FANK1: variants seen among roughly 807,000 people sequenced by gnomAD.
FANK1 encodes the protein fibronectin type 3 and ankyrin repeat domains protein 1.
In FANK1, 44 loss-of-function variants were observed where a neutral mutation model predicts 45.3. The ratio of observed to expected loss-of-function variants is 0.97; its 90% CI spans 0.76 to 1.25. The LOEUF (loss-of-function observed/expected upper bound fraction) is 1.25. Ranked by LOEUF, FANK1 falls within the 50% of genes most tolerant of loss-of-function variation. The pLI is 0.00. For synonymous variants in FANK1, 149 were observed against 152.5 expected, an observed-to-expected ratio of 0.98 and a Z score of 0.17; for missense variants, 391 against 424.4, an observed-to-expected ratio of 0.92 and a Z score of 0.69.
At chr10:125,977,480 G>A (rs1179536010) in intron 1 of FANK1, among the ~76,000 whole-genome samples, 1 of 152,156 alleles carries the variant, frequency 6.6e-6, no homozygotes, top group Non-Finnish European at 1.5e-5. Flanking sequence ...TTTCCGTCAT[G>A]CTCCCTTTCA....
At chr10:126,005,075 G>A (rs370711625) in intron 7 of FANK1, 26 bp downstream of exon 7, 16 of 1,589,362 alleles carry the variant, frequency 1.0e-5, no homozygotes, top group South Asian at 5.6e-5. Context: ...TGTTAACCAC[G>A]CACATATCGT....
intron 1 of FANK1, among the ~76,000 whole-genome samples, chr10:125,978,828 G>A (rs1200646840): frequency 6.6e-6 from 1 of 152,160 alleles, no homozygotes; most frequent in African/African-American, 2.4e-5. Flanking sequence ...GTGGAAGTGG[G>A]GGCTGTTGCT....
chr10:125,996,352 A>T (rs973316635), intron 4 of FANK1, among the ~76,000 whole-genome samples, 198 bp from the exon 5 acceptor site: 3 of 152,214 alleles, frequency 2.0e-5, no homozygotes, highest in Non-Finnish European at 2.9e-5. Context: ...GATACATTTG[A>T]ATCTCATAGA....
intron 1 of FANK1, among the ~76,000 whole-genome samples, chr10:125,915,232 CTT>C (rs1946356995): frequency 6.6e-6 from 1 of 151,430 alleles, no homozygotes; most frequent in Non-Finnish European, 1.5e-5. Context: ...TAAAGGGTAA[CTT>C]TTCAAAAACA....
At chr10:125,976,923 A>T (rs956106908) in intron 1 of FANK1, among the ~76,000 whole-genome samples, 2 of 152,142 alleles carry the variant, frequency 1.3e-5, no homozygotes, top group Non-Finnish European at 2.9e-5. Context: ...GTGCCCGGTC[A>T]TAAAATTATC....
At chr10:125,938,893 G>A (rs1167097872) in intron 1 of FANK1, among the ~76,000 whole-genome samples, 2 of 152,090 alleles carry the variant, frequency 1.3e-5, no homozygotes, top group Admixed American at 1.3e-4. Context: ...AGCCAAATTT[G>A]GAAGCATTTG....
At chr10:125,958,075 T>A (rs1314312303) in intron 1 of FANK1, among the ~76,000 whole-genome samples, 1 of 152,162 alleles carries the variant, frequency 6.6e-6, no homozygotes, top group African/African-American at 2.4e-5. Flanking sequence ...ATTCTCTTTC[T>A]AGCTATTTGA....
At chr10:125,903,881 C>T (rs1945262415) in intron 1 of FANK1, among the ~76,000 whole-genome samples, 1 of 152,026 alleles carries the variant, frequency 6.6e-6, no homozygotes, top group African/African-American at 2.4e-5. Context: ...CAGAGTTTCA[C>T]TCTTGTCGCC....
At position 125,983,296 on chromosome 10, in the gene FANK1, G is replaced by A. The variant is rs2138276; in HGVS notation, c.191+2958G>A. On this transcript the variant is annotated intron_variant, in intron 2 of 10. Coordinates refer to ENST00000368693, the MANE Select transcript of FANK1 (RefSeq NM_145235.5). This position sits in a 1 kb window ranked among gnomAD's most constrained non-coding sequence, Gnocchi z 4.3. Reference sequence around the variant, plus strand: ...GTCTGTGCCCTAAATTCCTGTGATCGTTGCTGCCCATGCCACGCATTCCAT... The same window carrying A: ...GTCTGTGCCCTAAATTCCTGTGATCATTGCTGCCCATGCCACGCATTCCAT... Among the ~76,000 whole-genome samples the A allele has an allele frequency of 0.39, 59,554 of 151,770 alleles. 11,857 individuals are homozygous for A. The highest frequency in any genetic ancestry group is 0.45 in the South Asian group (2,177 of 4,806).
intron 1 of FANK1, among the ~76,000 whole-genome samples, chr10:125,979,164 C>T (rs1312345167): frequency 6.6e-6 from 1 of 151,850 alleles, no homozygotes; most frequent in Non-Finnish European, 1.5e-5. Flanking sequence ...TGCTGACCCC[C>T]GGGGGGCCAT....
intron 4 of FANK1, 86 bp from the exon 5 acceptor site, chr10:125,996,464 C>CCA: frequency 8.5e-7 from 1 of 1,179,630 alleles, no homozygotes; most frequent in East Asian, 2.4e-5. Flanking sequence ...GTCATTTTAC[C>CCA]CACCTAAGCC....
intron 1 of FANK1, among the ~76,000 whole-genome samples, chr10:125,937,854 A>G (rs906042453): frequency 3.3e-5 from 5 of 152,214 alleles, no homozygotes; most frequent in African/African-American, 1.2e-4. Flanking sequence ...AACGGGGCTT[A>G]AAGCTGCCTA....
At chr10:125,977,316 A>C (rs1476444179) in intron 1 of FANK1, among the ~76,000 whole-genome samples, 1 of 152,078 alleles carries the variant, frequency 6.6e-6, no homozygotes, top group Non-Finnish European at 1.5e-5. Context: ...CTTTATTTGA[A>C]GCTTACTTGT....
intron 1 of FANK1, among the ~76,000 whole-genome samples, chr10:125,956,548 T>G (rs1359641347): frequency 6.6e-6 from 1 of 152,220 alleles, no homozygotes; most frequent in East Asian, 1.9e-4. Flanking sequence ...TTCTTTGGTT[T>G]TACAGAAAAT....
At chr10:125,946,737 A>G (rs1948829949) in intron 1 of FANK1, among the ~76,000 whole-genome samples, 1 of 138,378 alleles carries the variant, frequency 7.2e-6, no homozygotes, top group Non-Finnish European at 1.6e-5. Flanking sequence ...GCCAACGTTC[A>G]GATTCAGGAA....
intron 1 of FANK1, among the ~76,000 whole-genome samples, chr10:125,911,816 C>G (rs74539692): frequency 2.0e-5 from 3 of 151,890 alleles, no homozygotes; most frequent in Non-Finnish European, 4.4e-5. Flanking sequence ...TTCAGAGTTA[C>G]GCCTGGGTCC....
intron 2 of FANK1, among the ~76,000 whole-genome samples, chr10:125,982,945 G>T (rs115365312): frequency 0.015 from 2,158 of 146,346 alleles, 70 homozygotes; most frequent in African/African-American, 0.052. Flanking sequence ...ATTCTATCTT[G>T]CTGGGCTAAT....
chr10:125,995,382 G>T, intron 3 of FANK1, 35 bp from the exon 4 acceptor site: 1 of 1,599,450 alleles, frequency 6.3e-7, no homozygotes, highest in African/African-American at 1.3e-5. Context: ...CTTTTCTGAT[G>T]TTCTGGATGA....
At chr10:125,914,259 C>T (rs111907025) in intron 1 of FANK1, among the ~76,000 whole-genome samples, 1 of 120,996 alleles carries the variant, frequency 8.3e-6, no homozygotes, top group Non-Finnish European at 1.7e-5. Flanking sequence ...TCCAAAGCTC[C>T]AGCTCAGCAT....
Sources: gnomAD v4.1 joint callset for allele counts (sites outside exome capture counted in the v4.1 genomes callset) on GRCh38, gnomAD v4.1.1 for gene constraint, Gnocchi (gnomAD v3.1) non-coding constraint, MANE v1.5 for transcripts, NCBI Gene and HGNC (gene_info 2026-07-23, HGNC 2026-07-21) for gene names.